The following FRK variants were observed in gnomAD, a reference collection of about 807,000 sequenced individuals.
The protein encoded by FRK is tyrosine-protein kinase FRK.
FRK carries 51 observed loss-of-function variants against 56.4 expected under a neutral mutation model. That is an observed-to-expected ratio of 0.90 (90% CI 0.72 to 1.14). FRK has a LOEUF of 1.14. Among genes scored for constraint, FRK ranks in the 50% most tolerant of loss-of-function variants. FRK has a pLI of 0.00. For missense variants in FRK, 570 were observed against 601.4 expected, an observed-to-expected ratio of 0.95 and a Z score of 0.55; for synonymous variants, 245 against 217.9, an observed-to-expected ratio of 1.12 and a Z score of -1.10.
chr6:115,960,251 G>C (rs1183326235), intron 4 of FRK, among the ~76,000 whole-genome samples: 1 of 151,120 alleles, frequency 6.6e-6, no homozygotes, highest in Non-Finnish European at 1.5e-5. Flanking sequence ...AGGGGTCAGG[G>C]AGTTCCCTTT....
intron 1 of FRK, among the ~76,000 whole-genome samples, chr6:116,010,214 GA>G (rs200851965): frequency 5.0e-4 from 72 of 142,688 alleles, no homozygotes; most frequent in Non-Finnish European, 5.5e-4. Flanking sequence ...ATTCTGTCTC[GA>G]AAAAAAAAAA....
At chr6:116,039,886 G>A (rs1410923899) in intron 1 of FRK, among the ~76,000 whole-genome samples, 1 of 150,100 alleles carries the variant, frequency 6.7e-6, no homozygotes, top group Admixed American at 6.7e-5. Context: ...CGGTGCCCGC[G>A]CCTGTGTGTG....
intron 1 of FRK, among the ~76,000 whole-genome samples, chr6:116,054,137 C>T (rs1777285469): frequency 6.6e-6 from 1 of 151,254 alleles, no homozygotes; most frequent in African/African-American, 2.4e-5. Context: ...ATAAACAGTA[C>T]AATTATATTA....
chr6:116,057,164 T>C (rs1340872511), intron 1 of FRK, among the ~76,000 whole-genome samples: 1 of 152,190 alleles, frequency 6.6e-6, no homozygotes, highest in Non-Finnish European at 1.5e-5. Flanking sequence ...GATGACAGCT[T>C]TCATTGGTTT....
chr6:115,938,300 AG>A lies in FRK; in HGVS notation c.*4113del, dbSNP rs1772087151. 6.6e-6 allele frequency: 1 copy of A among 152,238 alleles called. No homozygotes were observed. Among genetic ancestry groups the A allele is most frequent in the South Asian group, 2.1e-4 (1 of 4,830 alleles). 9.4% of individuals were successfully genotyped at this position (152,238 alleles called of 1,614,324 possible). ...AATGAGAACAAAAACACAACATACC[AG>A]AATCTCTGGGACACATTTAAAGCAG... On this transcript the variant is annotated 3_prime_UTR_variant, in exon 8 of 8. Coordinates refer to ENST00000606080, the MANE Select transcript of FRK (RefSeq NM_002031.3).
the FRK span, among the ~76,000 whole-genome samples, chr6:116,099,942 C>G: frequency 6.6e-6 from 1 of 152,116 alleles, no homozygotes; most frequent in South Asian, 2.1e-4. Context: ...CCTTCACATC[C>G]GGAAATCAGG....
Position 116,003,191 on chromosome 6 carries a change from G to A in FRK, c.466+686C>T, listed in dbSNP as rs565349710. On this transcript the variant is annotated intron_variant, in intron 2 of 7. Transcript: ENST00000606080. ...ACCTTGACAACACAGAGAACAGAACGGGACAAGAAGAGAGAAAGCCTCATA... is the reference window on the plus strand; with the variant it reads ...ACCTTGACAACACAGAGAACAGAACAGGACAAGAAGAGAGAAAGCCTCATA... Among the ~76,000 whole-genome samples the A allele has an allele frequency of 7.4e-4, 113 of 152,198 alleles. 1 individual carries two copies. The highest frequency in any genetic ancestry group is 9.8e-4 in the Admixed American group (15 of 15,294).
chr6:116,045,191 C>G (rs1329365924), intron 1 of FRK, among the ~76,000 whole-genome samples: 1 of 152,198 alleles, frequency 6.6e-6, no homozygotes, highest in Non-Finnish European at 1.5e-5. Flanking sequence ...CTATCCCCAT[C>G]AAGCTACCAC....
the FRK span, among the ~76,000 whole-genome samples, chr6:116,070,078 T>G: frequency 6.6e-6 from 1 of 151,324 alleles, no homozygotes; most frequent in African/African-American, 2.4e-5. Flanking sequence ...AAAAATATTT[T>G]AAAGACCAAC....
At chr6:116,066,413 A>C in the FRK span, among the ~76,000 whole-genome samples, 1 of 150,304 alleles carries the variant, frequency 6.7e-6, no homozygotes, top group Non-Finnish European at 1.5e-5. Flanking sequence ...TACTTAATAA[A>C]CTCCCCTTTA....
At chr6:115,946,738 C>T (rs549314165) in intron 5 of FRK, among the ~76,000 whole-genome samples, 5 of 151,680 alleles carry the variant, frequency 3.3e-5, no homozygotes, top group African/African-American at 7.2e-5. Context: ...ACAAGAAAAC[C>T]GTGAAGAATC....
chr6:115,965,962 A>T (rs1773550644), intron 4 of FRK, among the ~76,000 whole-genome samples: 1 of 106,584 alleles, frequency 9.4e-6, no homozygotes, highest in Non-Finnish European at 1.9e-5. Flanking sequence ...ATGACACGTT[A>T]GTGGGTGCAG....
At chr6:115,953,021 AAG>A (rs1481420657) in intron 5 of FRK, among the ~76,000 whole-genome samples, 2 of 151,944 alleles carry the variant, frequency 1.3e-5, no homozygotes, top group Non-Finnish European at 2.9e-5. Flanking sequence ...ATGTATACAT[AAG>A]TAACTAACCT....
At chr6:116,079,181 A>G in the FRK span, among the ~76,000 whole-genome samples, 1 of 152,006 alleles carries the variant, frequency 6.6e-6, no homozygotes, top group East Asian at 1.9e-4. Context: ...GATATTACCA[A>G]AGAGATTATT....
the FRK span, among the ~76,000 whole-genome samples, chr6:116,075,020 G>C: frequency 6.6e-6 from 1 of 152,084 alleles, no homozygotes; most frequent in Non-Finnish European, 1.5e-5. Context: ...GAAGGAGAAG[G>C]GCAGAGATTA....
chr6:116,091,428 A>G, the FRK span, among the ~76,000 whole-genome samples: 1 of 152,144 alleles, frequency 6.6e-6, no homozygotes, highest in Non-Finnish European at 1.5e-5. Flanking sequence ...GCTCTTCACA[A>G]TAAATCTTGC....
At chr6:116,086,585 C>T in the FRK span, among the ~76,000 whole-genome samples, 4 of 152,038 alleles carry the variant, frequency 2.6e-5, no homozygotes, top group East Asian at 3.8e-4. Flanking sequence ...TTTGACAGAA[C>T]GAAAAATTAA....
chr6:116,072,248 G>GA, the FRK span, among the ~76,000 whole-genome samples: 2 of 151,968 alleles, frequency 1.3e-5, no homozygotes, highest in African/African-American at 4.8e-5. Flanking sequence ...ACAGAGCTTG[G>GA]AAAAAAACAT....
chr6:116,092,198 C>A, the FRK span, among the ~76,000 whole-genome samples: 2 of 152,166 alleles, frequency 1.3e-5, no homozygotes, highest in African/African-American at 4.8e-5. Flanking sequence ...CGGGTGGGGA[C>A]TATCTGGAAT....
Sources: gnomAD v4.1 joint callset for allele counts (sites outside exome capture counted in the v4.1 genomes callset) on GRCh38, gnomAD v4.1.1 for gene constraint, MANE v1.5 for transcripts, NCBI Gene and HGNC (gene_info 2026-07-23, HGNC 2026-07-21) for gene names.